Variants in CACNA1C observed in about 807,000 individuals in gnomAD.
CACNA1C encodes the protein voltage-dependent L-type calcium channel subunit alpha-1C.
A neutral mutation model predicts 229.0 loss-of-function variants in CACNA1C; 30 were observed. The ratio of observed to expected loss-of-function variants is 0.13; its 90% CI spans 0.10 to 0.18. The LOEUF (loss-of-function observed/expected upper bound fraction) is 0.18, where lower values mean the gene tolerates loss of function less well. CACNA1C is among the 10% of genes least tolerant of loss of function. CACNA1C has a pLI of 1.00. For synonymous variants in CACNA1C, 1,114 were observed against 1,132.5 expected (o/e 0.98, Z 0.33); for missense variants, 1,658 against 2,845.0 (o/e 0.58, Z 9.49).
intron 3 of CACNA1C, among the ~76,000 whole-genome samples, chr12:2,425,993 T>C (rs2099028001): frequency 1.3e-5 from 2 of 152,154 alleles, no homozygotes; most frequent in South Asian, 4.1e-4. Context: ...CAGATGACTA[T>C]GTTCCTCATA....
At chr12:2,389,682 C>T (rs964778569) in intron 3 of CACNA1C, among the ~76,000 whole-genome samples, 1 of 152,184 alleles carries the variant, frequency 6.6e-6, no homozygotes, top group Non-Finnish European at 1.5e-5. Context: ...TAATTGTCTA[C>T]ACTTGGGGCC....
At chr12:1,980,203 T>C (rs1298385960) in intron 1 of CACNA1C, among the ~76,000 whole-genome samples, 1 of 152,170 alleles carries the variant, frequency 6.6e-6, no homozygotes, top group African/African-American at 2.4e-5. Context: ...AGCTCAAATT[T>C]GGAAATAATT....
At chr12:2,102,931 T>A (rs189366318) in intron 1 of CACNA1C, among the ~76,000 whole-genome samples, 1 of 152,382 alleles carries the variant, frequency 6.6e-6, no homozygotes, top group Admixed American at 6.5e-5. Flanking sequence ...TTTTTATGGC[T>A]GCATAGTATT....
At chr12:2,641,655 C>G (rs778259800) in intron 30 of CACNA1C, 92 of 697,520 alleles carry the variant, frequency 1.3e-4, no homozygotes, top group Non-Finnish European at 1.8e-4. Context: ...CACAGTCATT[C>G]ATGCTGGGTG....
intron 3 of CACNA1C, among the ~76,000 whole-genome samples, chr12:2,197,209 C>G (rs1189121119): frequency 6.6e-6 from 1 of 152,152 alleles, no homozygotes; most frequent in East Asian, 1.9e-4. Context: ...ACCCACCACG[C>G]CCTCGGGAAG....
At chr12:2,497,863 C>A (rs1156772956) in intron 7 of CACNA1C, among the ~76,000 whole-genome samples, 2 of 152,082 alleles carry the variant, frequency 1.3e-5, no homozygotes, top group Admixed American at 6.5e-5. Context: ...ACTCTTGGAA[C>A]AAAAATCTAA....
In CACNA1C at chr12:2,491,393, G is replaced by A. The variant is rs549548275; in HGVS notation, c.917-1797G>A. 2.4e-4 allele frequency among the ~76,000 whole-genome samples: 36 copies of A among 152,040 alleles called. 1 individual carries two copies. The highest frequency in any genetic ancestry group is 3.2e-4 in the Non-Finnish European group (22 of 68,014). Reference sequence around the variant, plus strand: ...GGCATGTAAATTATAAGTCAATAAAGCTGATGGGGTCAGTGGGAGAGAAAG... The same window carrying A: ...GGCATGTAAATTATAAGTCAATAAAACTGATGGGGTCAGTGGGAGAGAAAG... On this transcript the variant is annotated intron_variant, in intron 6 of 46. Transcript: ENST00000399655.
rs988640748 is a variant in CACNA1C, at chr12:2,585,066, G to A, written c.2340-310G>A. Among the ~76,000 whole-genome samples the A allele has an allele frequency of 5.9e-5, 9 of 152,118 alleles. No individual in the cohort carries two copies. Among genetic ancestry groups the A allele is most frequent in the African/African-American group, 2.2e-4 (9 of 41,412 alleles). Reference sequence around the variant, plus strand: ...GACAGTTCCAGGCCACACAGCTGCCGGGCACTGAGCAGAGCTCCTCCAGGA... The same window carrying A: ...GACAGTTCCAGGCCACACAGCTGCCAGGCACTGAGCAGAGCTCCTCCAGGA... On this transcript the variant is annotated intron_variant, in intron 16 of 46. Coordinates refer to ENST00000399655, the MANE Select transcript of CACNA1C (RefSeq NM_000719.7). This position sits in a 1 kb window ranked among gnomAD's most constrained non-coding sequence, Gnocchi z 4.1.
chr12:2,389,206 TAGGAG>T (rs2098444974), intron 3 of CACNA1C, among the ~76,000 whole-genome samples: 1 of 152,028 alleles, frequency 6.6e-6, no homozygotes, highest in Admixed American at 6.6e-5. Context: ...TTCTTGCTGA[TAGGAG>T]AGGTCAAATG....
intron 3 of CACNA1C, among the ~76,000 whole-genome samples, chr12:2,124,149 T>C (rs113700521): frequency 0.034 from 4,903 of 144,466 alleles, 255 homozygotes; most frequent in African/African-American, 0.12. Flanking sequence ...TGTGTGTGTG[T>C]GCAGTCATTT....
chr12:2,602,630 TTGTGTGTGTGTGTGTGTGTG>T lies in CACNA1C; in HGVS notation c.2960+691_2960+710del, dbSNP rs3062140. Reference sequence around the variant, plus strand: ...GTGTGTGACTGTGTATATTTGTGTCTTGTGTGTGTGTGTGTGTGTGTGTGTGTGTGTGTGTGTGTGAGTTT... The same window carrying T: ...GTGTGTGACTGTGTATATTTGTGTCTTGTGTGTGTGTGTGTGTGTGAGTTT... On this transcript the variant is annotated intron_variant, in intron 22 of 46. Transcript: ENST00000399655. This position sits in a 1 kb window ranked among gnomAD's most constrained non-coding sequence, Gnocchi z 4.4. Among the ~76,000 whole-genome samples, 50 of 140,796 alleles carry T rather than the reference TTGTGTGTGTGTGTGTGTGTG, an allele frequency of 3.6e-4. No individual in the cohort carries two copies. Among genetic ancestry groups the T allele is most frequent in the Non-Finnish European group, 5.2e-4 (34 of 65,298 alleles). 92.4% of individuals were successfully genotyped at this position (140,796 alleles called of 152,430 possible).
intron 3 of CACNA1C, among the ~76,000 whole-genome samples, chr12:2,203,051 T>C (rs1277388379): frequency 6.6e-6 from 1 of 152,172 alleles, no homozygotes; most frequent in Non-Finnish European, 1.5e-5. Flanking sequence ...CCTATTAAAG[T>C]TCTCTGGGGA....
chr12:2,236,866 T>G (rs2067592785), intron 3 of CACNA1C, among the ~76,000 whole-genome samples: 1 of 152,136 alleles, frequency 6.6e-6, no homozygotes, highest in African/African-American at 2.4e-5. Flanking sequence ...AGTGAGGGGC[T>G]TCTGTTTACT....
At chr12:2,471,438 T>G (rs910437161) in intron 5 of CACNA1C, among the ~76,000 whole-genome samples, 50 of 152,324 alleles carry the variant, frequency 3.3e-4, no homozygotes, top group African/African-American at 1.1e-3. Context: ...ATTCTATAGA[T>G]CCAAGTTCCC....
At chr12:2,433,998 G>T (rs771038982) in intron 3 of CACNA1C, among the ~76,000 whole-genome samples, 8 of 152,170 alleles carry the variant, frequency 5.3e-5, no homozygotes, top group Non-Finnish European at 1.0e-4. Context: ...TAAGAAAAAA[G>T]TGAGTTGATT....
Position 2,674,663 on chromosome 12 carries a change from C to T in CACNA1C, c.4828+21C>T, listed in dbSNP as rs772337587. ...AGGTGGTGAGTGCTCCCTGGACTCCCGCACCTTGGCCACTGCCTGGCCGTG... is the reference window on the plus strand; with the variant it reads ...AGGTGGTGAGTGCTCCCTGGACTCCTGCACCTTGGCCACTGCCTGGCCGTG... On this transcript the variant is annotated intron_variant, in intron 39 of 46. Coordinates refer to ENST00000399655, the MANE Select transcript of CACNA1C (RefSeq NM_000719.7). 11 of 1,540,814 alleles carry T rather than the reference C, an allele frequency of 7.1e-6. No homozygotes were observed. In the East Asian group the frequency reaches 7.3e-5, roughly 10 times the overall value.
intron 5 of CACNA1C, among the ~76,000 whole-genome samples, chr12:2,462,935 C>T (rs546372616): frequency 1.2e-4 from 14 of 118,122 alleles, no homozygotes; most frequent in Admixed American, 8.1e-4. Flanking sequence ...TTTTTTGAGA[C>T]GGAGTCTTGC....
chr12:2,010,064 G>C (rs766797553), intron 1 of CACNA1C, among the ~76,000 whole-genome samples: 2 of 152,096 alleles, frequency 1.3e-5, no homozygotes, highest in Non-Finnish European at 2.9e-5. Flanking sequence ...TTCATGACCA[G>C]TATTATTCTT....
At chr12:2,334,396 G>T (rs1327380878) in intron 3 of CACNA1C, among the ~76,000 whole-genome samples, 1 of 152,210 alleles carries the variant, frequency 6.6e-6, no homozygotes, top group East Asian at 1.9e-4. Context: ...AAGGACAGGA[G>T]CGCTGGTTCA....
Sources: allele counts gnomAD v4.1 joint callset (sites outside exome capture counted in the v4.1 genomes callset), GRCh38; gene constraint gnomAD v4.1.1; non-coding constraint Gnocchi (gnomAD v3.1); transcripts MANE v1.5; gene names NCBI Gene and HGNC (gene_info 2026-07-23, HGNC 2026-07-21).